The following PXDNL variants were observed in gnomAD, a reference collection of about 807,000 sequenced individuals.
PXDNL encodes the protein peroxidasin like, also known as probable oxidoreductase PXDNL.
PXDNL carries 145 observed loss-of-function variants against 150.8 expected under a neutral mutation model. The ratio of observed to expected loss-of-function variants is 0.96; its 90% CI spans 0.84 to 1.10. The LOEUF (loss-of-function observed/expected upper bound fraction) is 1.10, where lower values mean the gene tolerates loss of function less well. PXDNL is among the 50% of genes least tolerant of loss of function. PXDNL has a pLI of 0.00. For synonymous variants in PXDNL, 757 were observed against 725.7 expected (o/e 1.04, Z -0.69); for missense variants, 2,087 against 1,873.9 (o/e 1.11, Z -2.10).
intron 4 of PXDNL, among the ~76,000 whole-genome samples, chr8:51,509,515 A>C (rs1376445363): frequency 6.6e-6 from 1 of 151,806 alleles, no homozygotes; most frequent in African/African-American, 2.4e-5. Context: ...TGCCAGGCTC[A>C]CTCCTAACTT....
intron 17 of PXDNL, among the ~76,000 whole-genome samples, chr8:51,376,711 T>TTC (rs545284646): frequency 2.0e-5 from 3 of 151,142 alleles, no homozygotes; most frequent in East Asian, 1.9e-4. Flanking sequence ...TTTGCTTCTC[T>TTC]TCTCTCTCTC....
At chr8:51,703,879 C>A (rs1214700454) in intron 1 of PXDNL, among the ~76,000 whole-genome samples, 1 of 152,110 alleles carries the variant, frequency 6.6e-6, no homozygotes, top group South Asian at 2.1e-4. Context: ...GCCTTTATTT[C>A]TTCTAATGTT....
At chr8:51,414,285 C>A (rs1356447427) in intron 14 of PXDNL, among the ~76,000 whole-genome samples, 1 of 151,276 alleles carries the variant, frequency 6.6e-6, no homozygotes, top group East Asian at 1.9e-4. Context: ...AATAGATGGG[C>A]CCATATAGCA....
At chr8:51,376,867 C>T (rs1053879444) in intron 17 of PXDNL, among the ~76,000 whole-genome samples, 3 of 151,808 alleles carry the variant, frequency 2.0e-5, no homozygotes, top group African/African-American at 2.4e-5. Context: ...TACAGGCGCC[C>T]GCCACAATGC....
At chr8:51,463,149 A>G (rs1810122108) in intron 8 of PXDNL, among the ~76,000 whole-genome samples, 1 of 152,220 alleles carries the variant, frequency 6.6e-6, no homozygotes, top group Admixed American at 6.5e-5. Flanking sequence ...CATGGAAACA[A>G]AAGAATGATG....
chr8:51,438,679 C>A (rs1301854690), intron 12 of PXDNL, among the ~76,000 whole-genome samples: 1 of 152,080 alleles, frequency 6.6e-6, no homozygotes, highest in East Asian at 1.9e-4. Context: ...TGTGCCACTG[C>A]ACTCCAGCCT....
At chr8:51,686,701 C>A (rs1815884018) in intron 1 of PXDNL, among the ~76,000 whole-genome samples, 1 of 151,912 alleles carries the variant, frequency 6.6e-6, no homozygotes, top group Non-Finnish European at 1.5e-5. Context: ...TTAAATCTAA[C>A]TCAAAAAAAT....
At chr8:51,462,867 GA>G (rs113382312) in intron 8 of PXDNL, among the ~76,000 whole-genome samples, 9 of 150,526 alleles carry the variant, frequency 6.0e-5, no homozygotes, top group East Asian at 1.9e-4. Context: ...AGGTCAACAT[GA>G]AAAAAAAACC....
At chr8:51,483,072 T>C (rs1296749238) in intron 6 of PXDNL, among the ~76,000 whole-genome samples, 1 of 152,156 alleles carries the variant, frequency 6.6e-6, no homozygotes, top group Non-Finnish European at 1.5e-5. Flanking sequence ...TGTAGAAGGC[T>C]ACACACAGAT....
At chr8:51,660,603 G>GA (rs1031027335) in intron 1 of PXDNL, among the ~76,000 whole-genome samples, 2 of 152,088 alleles carry the variant, frequency 1.3e-5, no homozygotes, top group Admixed American at 1.3e-4. Flanking sequence ...GTCTTCCTGA[G>GA]AAAAAGATCA....
At chr8:51,401,204 T>A (rs1808239573) in intron 17 of PXDNL, among the ~76,000 whole-genome samples, 1 of 152,012 alleles carries the variant, frequency 6.6e-6, no homozygotes, top group Non-Finnish European at 1.5e-5. Flanking sequence ...GCATTTAGAG[T>A]CAAACAACAG....
At chr8:51,444,423 C>G (rs925033892) in intron 12 of PXDNL, among the ~76,000 whole-genome samples, 1 of 151,976 alleles carries the variant, frequency 6.6e-6, no homozygotes, top group Non-Finnish European at 1.5e-5. Context: ...TGTGGAGGTT[C>G]CCCAAAAAGA....
At chr8:51,639,831 G>C (rs1038205791) in intron 2 of PXDNL, among the ~76,000 whole-genome samples, 1 of 152,034 alleles carries the variant, frequency 6.6e-6, no homozygotes, top group Non-Finnish European at 1.5e-5. Context: ...GAAAAAGTGG[G>C]AATCCTCCCT....
intron 1 of PXDNL, among the ~76,000 whole-genome samples, chr8:51,682,151 A>C (rs1563505288): frequency 6.6e-6 from 1 of 152,210 alleles, no homozygotes; most frequent in Non-Finnish European, 1.5e-5. Context: ...TATCTTGAAC[A>C]TTACAAAGAC....
chr8:51,532,609 T>A (rs1050680714), intron 4 of PXDNL, among the ~76,000 whole-genome samples: 2 of 152,198 alleles, frequency 1.3e-5, no homozygotes, highest in Non-Finnish European at 2.9e-5. Flanking sequence ...TCTCCTTTGG[T>A]AAGTCATTGG....
chr8:51,621,447 T>A (rs1814249571), intron 2 of PXDNL, among the ~76,000 whole-genome samples: 1 of 125,156 alleles, frequency 8.0e-6, no homozygotes, highest in African/African-American at 3.8e-5. Context: ...TGTGTGTGTG[T>A]CTGTGTGTGT....
At chr8:51,719,002 C>A (rs1816673320) in intron 1 of PXDNL, among the ~76,000 whole-genome samples, 1 of 152,008 alleles carries the variant, frequency 6.6e-6, no homozygotes, top group Non-Finnish European at 1.5e-5. Context: ...GGGGGCAGCC[C>A]CCGATCGGCC....
chr8:51,759,425 T>G (rs903036994), intron 1 of PXDNL, among the ~76,000 whole-genome samples: 12 of 152,154 alleles, frequency 7.9e-5, no homozygotes, highest in African/African-American at 2.7e-4. Flanking sequence ...TCTCAGAATT[T>G]GCACTCTGTA....
chr8:51,695,264 A>C (rs1816090126), intron 1 of PXDNL, among the ~76,000 whole-genome samples: 1 of 152,202 alleles, frequency 6.6e-6, no homozygotes, highest in African/African-American at 2.4e-5. Flanking sequence ...AAAATAAATG[A>C]ATTATCATTT....
Sources: allele counts gnomAD v4.1 joint callset (sites outside exome capture counted in the v4.1 genomes callset), GRCh38; gene constraint gnomAD v4.1.1; transcripts MANE v1.5; gene names NCBI Gene and HGNC (gene_info 2026-07-23, HGNC 2026-07-21).